SNX24: variants seen among roughly 807,000 people sequenced by gnomAD.
SNX24 encodes the protein sorting nexin 24, also known as sorting nexin-24.
In SNX24, 22 loss-of-function variants were observed where a neutral mutation model predicts 28.7. The ratio of observed to expected loss-of-function variants is 0.77; its 90% CI spans 0.55 to 1.10. The LOEUF (loss-of-function observed/expected upper bound fraction) is 1.10. Ranked by LOEUF, SNX24 falls within the 50% of genes least tolerant of loss-of-function variation. SNX24 has a pLI of 0.00. For synonymous variants in SNX24, 69 were observed against 71.5 expected, an observed-to-expected ratio of 0.96 and a Z score of 0.18; for missense variants, 221 against 201.1, an observed-to-expected ratio of 1.10 and a Z score of -0.60.
intron 1 of SNX24, among the ~76,000 whole-genome samples, chr5:122,933,233 G>A (rs986541303): frequency 6.6e-6 from 1 of 152,134 alleles, no homozygotes; most frequent in Non-Finnish European, 1.5e-5. Context: ...CTAATGCCTC[G>A]TGAATTATGA....
chr5:122,858,294 A>G (rs1755300073), intron 1 of SNX24, among the ~76,000 whole-genome samples: 1 of 152,268 alleles, frequency 6.6e-6, no homozygotes, highest in South Asian at 2.1e-4. Context: ...AAACTGTGAC[A>G]CAGAGACATA....
In SNX24 at chr5:123,000,022, G is replaced by T. The variant is rs1483831194; in HGVS notation, c.344+16G>T. ...AAAGTTGTGGGTAAGAATCATGTTT[G>T]CATATTGGATGTGTATTTTAAATTA... On this transcript the variant is annotated intron_variant, in intron 4 of 6. Coordinates refer to ENST00000261369, the MANE Select transcript of SNX24 (RefSeq NM_014035.4). 2.0e-6 allele frequency: 3 copies of T among 1,478,970 alleles called. No homozygotes were observed. The highest frequency in any genetic ancestry group is 2.3e-5 in the East Asian group (1 of 44,198). The allele number at this position is 1,478,970 out of a possible 1,614,324, so 91.6% of individuals were successfully genotyped here.
intron 1 of SNX24, among the ~76,000 whole-genome samples, chr5:122,902,794 G>C (rs140482443): frequency 3.0e-4 from 45 of 152,092 alleles, no homozygotes; most frequent in Non-Finnish European, 5.3e-4. Context: ...CCCCTTCCCC[G>C]TCTTGTCCCA....
intron 1 of SNX24, among the ~76,000 whole-genome samples, chr5:122,894,104 T>G (rs1288452170): frequency 6.6e-6 from 1 of 152,148 alleles, no homozygotes; most frequent in African/African-American, 2.4e-5. Flanking sequence ...AGTATGCAGT[T>G]AGGCTCTTTT....
intron 3 of SNX24, among the ~76,000 whole-genome samples, chr5:122,952,897 A>G (rs1339218721): frequency 2.0e-5 from 3 of 152,296 alleles, no homozygotes; most frequent in East Asian, 3.9e-4. Context: ...GAAACGTCAA[A>G]CAAAAGACAT....
At chr5:123,015,022 C>T (rs1018999035) in intron 5 of SNX24, among the ~76,000 whole-genome samples, 1 of 152,206 alleles carries the variant, frequency 6.6e-6, no homozygotes, top group African/African-American at 2.4e-5. Flanking sequence ...CCACTCCATA[C>T]CATTATTCTA....
intron 3 of SNX24, among the ~76,000 whole-genome samples, chr5:122,999,250 A>G (rs1442336918): frequency 6.6e-6 from 1 of 152,140 alleles, no homozygotes; most frequent in East Asian, 1.9e-4. Context: ...GAAGAACTCT[A>G]TAGATTTTTT....
chr5:122,857,107 G>T (rs865934066), intron 1 of SNX24, among the ~76,000 whole-genome samples: 11 of 151,878 alleles, frequency 7.2e-5, no homozygotes, highest in African/African-American at 2.4e-4. Flanking sequence ...CGCCTCCCGG[G>T]TTCAAGCAAT....
At position 122,994,054 on chromosome 5, in the gene SNX24, A is replaced by ATG. The variant is rs989819122; in HGVS notation, c.250-5846_250-5845dup. On this transcript the variant is annotated intron_variant, in intron 3 of 6. Transcript: ENST00000261369. Reference sequence around the variant, plus strand: ...AATGGAAAGAAGTGTGTGTGTGTGTATGTGTGTGTGTGTATGTGTTTTGAA... The same window carrying ATG: ...AATGGAAAGAAGTGTGTGTGTGTGTATGTGTGTGTGTGTGTATGTGTTTTGAA... Among the ~76,000 whole-genome samples the ATG allele has an allele frequency of 9.9e-5, 15 of 151,784 alleles. No homozygotes were observed. In the East Asian group the frequency reaches 1.4e-3, roughly 14 times the overall value.
intron 1 of SNX24, among the ~76,000 whole-genome samples, chr5:122,876,839 G>A (rs1756245795): frequency 1.3e-5 from 2 of 152,194 alleles, no homozygotes; most frequent in South Asian, 2.1e-4. Context: ...TTAAATAAGT[G>A]TGTGGAAAGG....
At chr5:123,000,596 T>A (rs1339539568) in intron 4 of SNX24, among the ~76,000 whole-genome samples, 1 of 152,170 alleles carries the variant, frequency 6.6e-6, no homozygotes, top group Non-Finnish European at 1.5e-5. Flanking sequence ...TCCCTATCTA[T>A]TGGTCTAAAC....
intron 1 of SNX24, among the ~76,000 whole-genome samples, chr5:122,848,535 T>C (rs1322487485): frequency 8.2e-6 from 1 of 122,508 alleles, no homozygotes; most frequent in Non-Finnish European, 1.7e-5. Flanking sequence ...AAATCCCATC[T>C]CTACTTAAAA....
intron 2 of SNX24, among the ~76,000 whole-genome samples, chr5:122,940,903 C>A (rs1759417075): frequency 6.6e-6 from 1 of 152,192 alleles, no homozygotes; most frequent in South Asian, 2.1e-4. Flanking sequence ...GTAGCTGAGT[C>A]TTTTCTGGGT....
chr5:122,882,899 G>A (rs752852637), intron 1 of SNX24, among the ~76,000 whole-genome samples: 17 of 152,042 alleles, frequency 1.1e-4, no homozygotes, highest in Non-Finnish European at 1.9e-4. Flanking sequence ...GGACATGGGG[G>A]TGGGAGCATA....
At chr5:122,971,056 AG>A (rs1283810269) in intron 3 of SNX24, among the ~76,000 whole-genome samples, 1 of 152,198 alleles carries the variant, frequency 6.6e-6, no homozygotes, top group African/African-American at 2.4e-5. Flanking sequence ...GGAGCAAGGA[AG>A]CCAATCCAAG....
At chr5:122,864,413 C>T (rs1755627686) in intron 1 of SNX24, among the ~76,000 whole-genome samples, 1 of 152,160 alleles carries the variant, frequency 6.6e-6, no homozygotes, top group South Asian at 2.1e-4. Flanking sequence ...TTCCTGCTGC[C>T]TAGGCTGAGC....
chr5:123,026,052 A>T (rs1762848481), intron 5 of SNX24: 1 of 1,183,530 alleles, frequency 8.4e-7, no homozygotes, highest in African/African-American at 1.6e-5. Flanking sequence ...TAGAGGAATC[A>T]ATTACTAGAA....
At chr5:122,901,029 C>T (rs553384558) in intron 1 of SNX24, among the ~76,000 whole-genome samples, 4 of 151,736 alleles carry the variant, frequency 2.6e-5, no homozygotes, top group Non-Finnish European at 4.4e-5. Context: ...GGTGAAACCC[C>T]GTCTCTATTA....
intron 3 of SNX24, among the ~76,000 whole-genome samples, chr5:122,967,064 A>G (rs922888914): frequency 1.3e-5 from 2 of 152,236 alleles, no homozygotes; most frequent in East Asian, 3.8e-4. Flanking sequence ...CTACTTAGGA[A>G]TATACAAGGC....
Sources: gnomAD v4.1 joint callset for allele counts (sites outside exome capture counted in the v4.1 genomes callset) on GRCh38, gnomAD v4.1.1 for gene constraint, MANE v1.5 for transcripts, NCBI Gene and HGNC (gene_info 2026-07-23, HGNC 2026-07-21) for gene names.